GSE1: variants seen among roughly 807,000 people sequenced by gnomAD.
The protein encoded by GSE1 is Gse1 coiled-coil protein, also known as genetic suppressor element 1.
Under a neutral mutation model 112.6 loss-of-function variants are expected in GSE1, and 32 were observed. That is an observed-to-expected ratio of 0.28 (90% CI 0.21 to 0.38). GSE1 has a LOEUF of 0.38. GSE1 is among the 10% of genes least tolerant of loss of function. The probability of loss-of-function intolerance (pLI) is 1.00; values close to 1 mark genes in which losing one functional copy is unlikely to be tolerated. For synonymous variants in GSE1, 1,115 were observed against 735.6 expected (o/e 1.52, Z -8.35); for missense variants, 2,348 against 1,699.2 (o/e 1.38, Z -6.71).
At chr16:85,509,574 T>C (rs2051664022) in intron 2 of GSE1, among the ~76,000 whole-genome samples, 1 of 152,212 alleles carries the variant, frequency 6.6e-6, no homozygotes, top group African/African-American at 2.4e-5. Flanking sequence ...TGCCTGGTGC[T>C]TTGCGGGTGC....
chr16:85,264,664 C>T (rs1163310276), intron 1 of GSE1, among the ~76,000 whole-genome samples: 2 of 152,120 alleles, frequency 1.3e-5, no homozygotes, highest in Admixed American at 6.5e-5. Context: ...GGTGGGCAGT[C>T]CCTGGTGCTT....
At chr16:85,661,786 C>T (rs757303080) in intron 9 of GSE1, 21 bp downstream of exon 9, 64 of 1,484,696 alleles carry the variant, frequency 4.3e-5, no homozygotes, top group African/African-American at 2.0e-4. Flanking sequence ...CCGCGGGCCC[C>T]GAGCTGCTCA....
intron 3 of GSE1, 88 bp from the exon 4 acceptor site, chr16:85,654,190 C>T (rs1355996880): frequency 1.6e-6 from 2 of 1,235,690 alleles, no homozygotes; most frequent in Non-Finnish European, 2.3e-6. Flanking sequence ...AATCTAGCGC[C>T]TTCCCGTGAG....
intron 1 of GSE1, among the ~76,000 whole-genome samples, chr16:85,270,079 G>A (rs1908680062): frequency 6.7e-6 from 1 of 149,100 alleles, no homozygotes; most frequent in Non-Finnish European, 1.5e-5. Context: ...CCTTCCATGC[G>A]GCTATGTTAC....
intron 1 of GSE1, among the ~76,000 whole-genome samples, chr16:85,616,724 C>T (rs2048394495): frequency 6.6e-6 from 1 of 152,040 alleles, no homozygotes; most frequent in African/African-American, 2.4e-5. Flanking sequence ...TCTCGGTGGC[C>T]TCACCGAGTG....
chr16:85,642,332 AAG>A (rs2050511561), intron 2 of GSE1, among the ~76,000 whole-genome samples: 1 of 152,250 alleles, frequency 6.6e-6, no homozygotes, highest in African/African-American at 2.4e-5. Context: ...TGTAATTAAA[AAG>A]AAAATTTTAA....
intron 2 of GSE1, among the ~76,000 whole-genome samples, chr16:85,454,118 G>A (rs1479774332): frequency 6.6e-6 from 1 of 152,218 alleles, no homozygotes; most frequent in African/African-American, 2.4e-5. Flanking sequence ...ACCAAGGCCT[G>A]GTGGTAACCC....
At chr16:85,218,237 T>A (rs1045930695) in intron 1 of GSE1, among the ~76,000 whole-genome samples, 1 of 151,846 alleles carries the variant, frequency 6.6e-6, no homozygotes, top group Non-Finnish European at 1.5e-5. Context: ...TGTGCTGAGG[T>A]GGTTTTCTCC....
chr16:85,259,347 C>A (rs997309073), intron 1 of GSE1, among the ~76,000 whole-genome samples: 1 of 152,152 alleles, frequency 6.6e-6, no homozygotes, highest in African/African-American at 2.4e-5. Context: ...GTGCTCGCCC[C>A]TTCCCTCCGT....
intron 15 of GSE1, among the ~76,000 whole-genome samples, chr16:85,671,439 C>CAAAAA (rs1159665909): frequency 0.011 from 697 of 61,290 alleles, 33 homozygotes; most frequent in South Asian, 0.051. Flanking sequence ...GACTCCGTCT[C>CAAAAA]AAAAAAAAAA....
intron 2 of GSE1, among the ~76,000 whole-genome samples, chr16:85,444,973 C>T (rs2049472684): frequency 6.6e-6 from 1 of 152,216 alleles, no homozygotes; most frequent in Non-Finnish European, 1.5e-5. Flanking sequence ...AGGTGTGTCG[C>T]CGGCTCCGCA....
At chr16:85,235,581 G>C (rs1405976514) in intron 1 of GSE1, among the ~76,000 whole-genome samples, 1 of 150,300 alleles carries the variant, frequency 6.7e-6, no homozygotes, top group Non-Finnish European at 1.5e-5. Flanking sequence ...GTGGGTGGGG[G>C]GGGGGCGCGT....
intron 1 of GSE1, among the ~76,000 whole-genome samples, chr16:85,287,284 C>T (rs573690479): frequency 3.9e-5 from 6 of 152,328 alleles, no homozygotes; most frequent in African/African-American, 1.2e-4. Flanking sequence ...TTCGGGCTGA[C>T]GCATGGGGCC....
At chr16:85,316,743 A>G (rs2045994226) in intron 1 of GSE1, among the ~76,000 whole-genome samples, 1 of 152,174 alleles carries the variant, frequency 6.6e-6, no homozygotes, top group South Asian at 2.1e-4. Flanking sequence ...AGGGGTTACC[A>G]TCCACAGTGG....
chr16:85,614,435 A>C (rs2048235839), intron 1 of GSE1, among the ~76,000 whole-genome samples: 2 of 149,488 alleles, frequency 1.3e-5, no homozygotes, highest in African/African-American at 2.4e-5. Flanking sequence ...TCCCCTCCCC[A>C]GCGCCGGGTG....
At chr16:85,322,901 C>T (rs1159384345) in intron 1 of GSE1, among the ~76,000 whole-genome samples, 1 of 152,186 alleles carries the variant, frequency 6.6e-6, no homozygotes, top group Non-Finnish European at 1.5e-5. Context: ...CAGGCATGAG[C>T]CACCACGCCC....
upstream of GSE1, among the ~76,000 whole-genome samples, chr16:85,551,934 C>T (rs536780716): frequency 6.6e-6 from 1 of 152,362 alleles, no homozygotes; most frequent in East Asian, 1.9e-4. Context: ...TTCTCTGGCC[C>T]TCTCCTTCCT....
rs1371409318 is a variant in GSE1, at chr16:85,663,427, G to T, written c.2457G>T (p.Arg819=). 2 of 1,613,934 alleles carry T rather than the reference G, an allele frequency of 1.2e-6. No individual in the cohort carries two copies. Among genetic ancestry groups the T allele is most frequent in the Non-Finnish European group, 1.7e-6 (2 of 1,180,034 alleles). The change falls in exon 11 of 16, where the codon CGG becomes CGT. Residue 819 remains arginine (R), a synonymous_variant. Coordinates refer to ENST00000253458, the MANE Select transcript of GSE1 (RefSeq NM_014615.5). ...ELVAQKRRKR[R]RMLRERSPSP... is the part of the protein sequence containing the mutation. ...TGGCCCAGAAGCGGAGGAAGCGGCG[G>T]AGGATGCTGCGAGAGAGAAGCCCGT...
At position 85,290,229 on chromosome 16, in the gene GSE1, G is replaced by A. The variant is rs373287477; in HGVS notation, c.2284-67234G>A. 3.3e-5 allele frequency among the ~76,000 whole-genome samples: 5 copies of A among 152,234 alleles called. No individual in the cohort carries two copies. The South Asian group carries it at 8.3e-4, about 25-fold the overall frequency. ...CCTTCCTGCCCCTGGCCAAGGCCCC[G>A]CCCGCACTTCCCTGCACAGGCCTGC... On this transcript the variant is annotated intron_variant, in intron 1 of 2. Transcript: ENST00000637419.
Sources: gnomAD v4.1 joint callset for allele counts (sites outside exome capture counted in the v4.1 genomes callset) on GRCh38, gnomAD v4.1.1 for gene constraint, MANE v1.5 for transcripts, NCBI Gene and HGNC (gene_info 2026-07-23, HGNC 2026-07-21) for gene names.